Variants in MCTP1 observed in about 807,000 individuals in gnomAD.
MCTP1 encodes the protein multiple C2 and transmembrane domain containing 1, also known as multiple C2 and transmembrane domain-containing protein 1.
A neutral mutation model predicts 120.6 loss-of-function variants in MCTP1; 69 were observed. That is an observed-to-expected ratio of 0.57 (90% CI 0.47 to 0.70). The LOEUF is 0.70. MCTP1 is among the 30% of genes least tolerant of loss of function. The probability of loss-of-function intolerance (pLI) is 0.00; values close to 1 mark genes in which losing one functional copy is unlikely to be tolerated. For synonymous variants in MCTP1, 529 were observed against 493.1 expected (o/e 1.07, Z -0.96); for missense variants, 1,203 against 1,248.8 (o/e 0.96, Z 0.55).
chr5:94,841,713 G>A (rs1044607576), intron 17 of MCTP1, among the ~76,000 whole-genome samples: 1 of 152,124 alleles, frequency 6.6e-6, no homozygotes, highest in East Asian at 1.9e-4. Context: ...ATGTATATAT[G>A]CACTCATATA....
At chr5:95,204,456 A>C (rs766085680) in intron 1 of MCTP1, among the ~76,000 whole-genome samples, 5 of 152,210 alleles carry the variant, frequency 3.3e-5, no homozygotes, top group Non-Finnish European at 7.4e-5. Flanking sequence ...CCTGACCCTA[A>C]GATCAGGAAC....
chr5:95,059,729 A>G (rs1748427529), intron 1 of MCTP1, among the ~76,000 whole-genome samples: 1 of 151,260 alleles, frequency 6.6e-6, no homozygotes, highest in African/African-American at 2.5e-5. Flanking sequence ...TAGAGAGGAG[A>G]GGAGAAGAAA....
Position 95,226,230 on chromosome 5 carries a change from T to A in MCTP1, c.720+57626A>T, listed in dbSNP as rs76399456. ...CGCCATAATCTGGACCCAAGGATAT[T>A]TATTGTTAATGTGTTTGTTCTTGTT... is the stretch of plus-strand genomic sequence containing the variant. On this transcript the variant is annotated intron_variant, in intron 1 of 22. Coordinates refer to ENST00000515393, the MANE Select transcript of MCTP1 (RefSeq NM_024717.7). Among the ~76,000 whole-genome samples, 315 of 152,268 alleles carry A rather than the reference T, an allele frequency of 2.1e-3. 2 individuals carry two copies. Among genetic ancestry groups the A allele is most frequent in the African/African-American group, 7.3e-3 (304 of 41,542 alleles).
At chr5:94,740,228 C>T (rs192116211) in intron 19 of MCTP1, among the ~76,000 whole-genome samples, 1 of 152,336 alleles carries the variant, frequency 6.6e-6, no homozygotes, top group African/African-American at 2.4e-5. Context: ...TCTCTACAGG[C>T]TGCATACTCT....
chr5:94,838,103 T>A (rs1385333610), intron 17 of MCTP1, among the ~76,000 whole-genome samples: 2 of 152,218 alleles, frequency 1.3e-5, no homozygotes, highest in Admixed American at 6.5e-5. Flanking sequence ...TGAAACTAAA[T>A]CAACCTAAAA....
At chr5:94,855,973 C>A (rs1794658958) in intron 17 of MCTP1, among the ~76,000 whole-genome samples, 1 of 151,668 alleles carries the variant, frequency 6.6e-6, no homozygotes, top group Non-Finnish European at 1.5e-5. Context: ...CTAAATCTCT[C>A]AATATTTTAT....
intron 19 of MCTP1, among the ~76,000 whole-genome samples, chr5:94,775,771 A>G (rs1438419228): frequency 1.3e-5 from 2 of 151,998 alleles, no homozygotes; most frequent in Non-Finnish European, 2.9e-5. Flanking sequence ...CCTTTGTGAA[A>G]ACCATGGAAT....
chr5:94,894,857 C>T, intron 10 of MCTP1, 22 bp from the exon 11 acceptor site: 1 of 1,364,248 alleles, frequency 7.3e-7, no homozygotes, highest in South Asian at 1.5e-5. Context: ...TGTTTTGAAT[C>T]AGCAAGTGGC....
Position 94,751,843 on chromosome 5 carries a change from C to T in MCTP1, c.2610+27267G>A, listed in dbSNP as rs556305471. 2.6e-5 allele frequency among the ~76,000 whole-genome samples: 4 copies of T among 151,796 alleles called. No homozygotes were observed. The East Asian group carries it at 7.8e-4, about 29-fold the overall frequency. On this transcript the variant is annotated intron_variant, in intron 19 of 22. Coordinates refer to ENST00000515393, the MANE Select transcript of MCTP1 (RefSeq NM_024717.7). ...AATAAGCCACGATTCTCGATCCATA[C>T]TTACCAGTCGCCTTACAAAAAACCA... is the stretch of plus-strand genomic sequence containing the variant.
intron 20 of MCTP1, among the ~76,000 whole-genome samples, chr5:94,714,342 GATTA>G (rs1430152016): frequency 1.3e-5 from 2 of 151,898 alleles, no homozygotes; most frequent in Admixed American, 6.6e-5. Context: ...CCATAAATAT[GATTA>G]ATTTTTTAAA....
chr5:94,911,263 G>A (rs1308358225), intron 9 of MCTP1, among the ~76,000 whole-genome samples: 1 of 152,160 alleles, frequency 6.6e-6, no homozygotes, highest in Non-Finnish European at 1.5e-5. Flanking sequence ...GTTGTCCTAA[G>A]CTGTCTATGA....
At chr5:95,112,927 T>C (rs1378326020) in intron 1 of MCTP1, among the ~76,000 whole-genome samples, 1 of 152,214 alleles carries the variant, frequency 6.6e-6, no homozygotes, top group Non-Finnish European at 1.5e-5. Flanking sequence ...TATATAGTTA[T>C]ATACTTTTAA....
chr5:94,874,654 T>C (rs572704616), intron 12 of MCTP1, among the ~76,000 whole-genome samples: 1 of 152,244 alleles, frequency 6.6e-6, no homozygotes, highest in South Asian at 2.1e-4. Context: ...CTTTTTTTCC[T>C]CCAATCGTCT....
At chr5:94,858,858 A>G (rs567969103) in intron 17 of MCTP1, among the ~76,000 whole-genome samples, 1 of 151,802 alleles carries the variant, frequency 6.6e-6, no homozygotes, top group East Asian at 2.0e-4. Context: ...GGTTTGGGTT[A>G]GATGTGTTCT....
Position 95,002,378 on chromosome 5 carries a change from T to C in MCTP1, c.838+14989A>G, listed in dbSNP as rs1277895544. ...TGGTAGATCCACCCACAGCTTGCAC[T>C]GTATGCCTGGAAAAGCCACAGACAC... On this transcript the variant is annotated intron_variant, in intron 2 of 22. Transcript: ENST00000515393. Among the ~76,000 whole-genome samples the C allele has an allele frequency of 3.3e-5, 5 of 152,138 alleles. No individual in the cohort carries two copies. In the East Asian group the frequency reaches 9.6e-4, roughly 29 times the overall value.
chr5:94,751,493 C>A (rs1403023898), intron 19 of MCTP1, among the ~76,000 whole-genome samples: 1 of 151,764 alleles, frequency 6.6e-6, no homozygotes, highest in Non-Finnish European at 1.5e-5. Context: ...ATAAAAGTGA[C>A]CTGGAGAATG....
chr5:95,092,561 A>G (rs1456411869), intron 1 of MCTP1, among the ~76,000 whole-genome samples: 2 of 152,212 alleles, frequency 1.3e-5, no homozygotes, highest in African/African-American at 4.8e-5. Flanking sequence ...TGAATGTTTG[A>G]GGTGACGGAT....
At chr5:95,236,431 C>T (rs1755547996) in intron 1 of MCTP1, among the ~76,000 whole-genome samples, 1 of 152,102 alleles carries the variant, frequency 6.6e-6, no homozygotes, top group African/African-American at 2.4e-5. Context: ...TAATTTAACC[C>T]AGTTTTCTTT....
chr5:95,167,181 C>T (rs977894654), intron 1 of MCTP1, among the ~76,000 whole-genome samples: 1 of 151,900 alleles, frequency 6.6e-6, no homozygotes, highest in Non-Finnish European at 1.5e-5. Flanking sequence ...TCTGTCCTTG[C>T]AATAGCTCAG....
Sources: gnomAD v4.1 joint callset for allele counts (sites outside exome capture counted in the v4.1 genomes callset) on GRCh38, gnomAD v4.1.1 for gene constraint, MANE v1.5 for transcripts, NCBI Gene and HGNC (gene_info 2026-07-23, HGNC 2026-07-21) for gene names.